ONECUT2: variants seen among roughly 807,000 people sequenced by gnomAD.
ONECUT2 encodes the protein one cut homeobox 2, also known as one cut domain family member 2.
In ONECUT2, 10 loss-of-function variants were observed where a neutral mutation model predicts 27.9. The ratio of observed to expected loss-of-function variants is 0.36; its 90% confidence interval spans 0.22 to 0.61. The LOEUF (loss-of-function observed/expected upper bound fraction) is 0.61. Among genes scored for constraint, ONECUT2 ranks in the 20% least tolerant of loss-of-function variants. The pLI, the probability that ONECUT2 is intolerant of heterozygous loss-of-function variation, is 0.73. For missense variants in ONECUT2, 686 were observed against 721.0 expected, an observed-to-expected ratio of 0.95 and a Z score of 0.56; for synonymous variants, 334 against 315.1, an observed-to-expected ratio of 1.06 and a Z score of -0.64.
At chr18:57,452,756 T>C (rs973946198) in intron 1 of ONECUT2, among the ~76,000 whole-genome samples, 1 of 152,222 alleles carries the variant, frequency 6.6e-6, no homozygotes, top group Non-Finnish European at 1.5e-5. Context: ...GGTTTCACTT[T>C]AAACTTTTAA....
chr18:57,483,556 T>C lies in ONECUT2; in HGVS notation c.*6833T>C, dbSNP rs1461605400. 5 of 152,616 alleles carry C rather than the reference T, an allele frequency of 3.3e-5. No individual in the cohort carries two copies. Among genetic ancestry groups the C allele is most frequent in the Non-Finnish European group, 7.3e-5 (5 of 68,042 alleles). The allele number at this position is 152,616 out of a possible 1,614,324, so 9.5% of individuals were successfully genotyped here. On this transcript the variant is annotated 3_prime_UTR_variant, in exon 2 of 2. Transcript: ENST00000491143. ...ATTATTTAATCATCCTTCCTTAGTT[T>C]GATTCTACTCCTTGTACTTATTTAT...
At position 57,481,291 on chromosome 18, in the gene ONECUT2, G is replaced by A. The variant is rs892950012; in HGVS notation, c.*4568G>A. 9.9e-5 allele frequency: 15 copies of A among 152,164 alleles called. No homozygotes were observed. The highest frequency in any genetic ancestry group is 1.6e-4 in the Non-Finnish European group (11 of 68,026). The allele number at this position is 152,164 out of a possible 1,614,324, so 9.4% of individuals were successfully genotyped here. Reference sequence around the variant, plus strand: ...CAGGCTAGTTGAACCAGGAAGCATGGCACTTCCTCTGGAGAAATCCAGAAA... The same window carrying A: ...CAGGCTAGTTGAACCAGGAAGCATGACACTTCCTCTGGAGAAATCCAGAAA... On this transcript the variant is annotated 3_prime_UTR_variant, in exon 2 of 2. Coordinates refer to ENST00000491143, the MANE Select transcript of ONECUT2 (RefSeq NM_004852.3).
chr18:57,449,756 C>T, intron 1 of ONECUT2, among the ~76,000 whole-genome samples: 1 of 152,236 alleles, frequency 6.6e-6, no homozygotes, highest in East Asian at 1.9e-4. Flanking sequence ...GCCTGGAATT[C>T]CTTATCTCAT....
intron 1 of ONECUT2, among the ~76,000 whole-genome samples, chr18:57,451,108 A>G (rs114257043): frequency 1.3e-4 from 20 of 152,366 alleles, no homozygotes; most frequent in African/African-American, 3.8e-4. Flanking sequence ...TTTATTTGCT[A>G]TACATCTTAC....
intron 1 of ONECUT2, among the ~76,000 whole-genome samples, chr18:57,473,662 T>A (rs1448426153): frequency 3.9e-5 from 6 of 152,074 alleles, no homozygotes; most frequent in African/African-American, 1.5e-4. Context: ...TGGGTGCTCA[T>A]GAGAAATGCA....
chr18:57,461,704 G>A (rs938193156), intron 1 of ONECUT2, among the ~76,000 whole-genome samples: 1 of 152,228 alleles, frequency 6.6e-6, no homozygotes, highest in Non-Finnish European at 1.5e-5. Flanking sequence ...GAACAAGGGT[G>A]CTGGGGTATT....
chr18:57,489,442 G>A lies in ONECUT2; in HGVS notation c.*12719G>A, dbSNP rs982853312. On this transcript the variant is annotated 3_prime_UTR_variant, in exon 2 of 2. Transcript: ENST00000491143. Reference sequence around the variant, plus strand: ...CCTATGCTGTTGATCTGTCTTGGGCGACAGGCTGAATCACAGCTATTGCCC... The same window carrying A: ...CCTATGCTGTTGATCTGTCTTGGGCAACAGGCTGAATCACAGCTATTGCCC... The A allele has an allele frequency of 2.6e-5, 4 of 152,106 alleles. No individual in the cohort carries two copies. The highest frequency in any genetic ancestry group is 2.9e-5 in the Non-Finnish European group (2 of 68,046). The allele number at this position is 152,106 out of a possible 1,614,324, so 9.4% of individuals were successfully genotyped here.
intron 1 of ONECUT2, among the ~76,000 whole-genome samples, chr18:57,444,150 T>C (rs778653683): frequency 3.0e-4 from 46 of 152,212 alleles, no homozygotes; most frequent in Non-Finnish European, 6.5e-4. Flanking sequence ...AAGAGCCAGT[T>C]ACCACTTAAG....
intron 1 of ONECUT2, among the ~76,000 whole-genome samples, chr18:57,443,310 G>A (rs896937342): frequency 6.6e-6 from 1 of 152,180 alleles, no homozygotes; most frequent in Non-Finnish European, 1.5e-5. Context: ...GGCACCCTAG[G>A]CCTTAAACTT....
intron 1 of ONECUT2, among the ~76,000 whole-genome samples, chr18:57,443,304 C>T (rs532624121): frequency 6.6e-6 from 1 of 152,296 alleles, no homozygotes; most frequent in South Asian, 2.1e-4. Context: ...GACAGAGGCA[C>T]CCTAGGCCTT....
At chr18:57,463,898 A>G (rs1316024343) in intron 1 of ONECUT2, among the ~76,000 whole-genome samples, 1 of 151,678 alleles carries the variant, frequency 6.6e-6, no homozygotes, top group Admixed American at 6.6e-5. Flanking sequence ...TTGATTTTCT[A>G]TGTTCATCTT....
intron 1 of ONECUT2, chr18:57,467,291 C>T (rs775457768): frequency 5.5e-5 from 23 of 415,344 alleles, no homozygotes; most frequent in Non-Finnish European, 9.7e-5. Flanking sequence ...AAAGCAGAGG[C>T]GGCGGTGTGG....
At chr18:57,474,019 G>C (rs2050368332) in intron 1 of ONECUT2, among the ~76,000 whole-genome samples, 1 of 152,168 alleles carries the variant, frequency 6.6e-6, no homozygotes, top group African/African-American at 2.4e-5. Flanking sequence ...AAAGCCAAAA[G>C]GCCCCAAAAG....
At position 57,476,699 on chromosome 18, in the gene ONECUT2, C is replaced by A. The variant is rs915628151; in HGVS notation, c.1491C>A (p.Thr497=). ...TGAGCACAGGGGGCTCCTCGTCCAC[C>A]TCCAGCACGTGTACCAAAGCATGAT... ...DDLSTGGSSS[T]SSTCTKA The change falls in exon 2 of 2, where the codon ACC becomes ACA. Residue 497 remains threonine (T), a synonymous_variant. Transcript: ENST00000491143. 2 of 1,613,992 alleles carry A rather than the reference C, an allele frequency of 1.2e-6. No individual in the cohort carries two copies. Among genetic ancestry groups the A allele is most frequent in the African/African-American group, 1.3e-5 (1 of 74,920 alleles).
In ONECUT2 at chr18:57,435,461, C is replaced by G. The variant is rs1056889745; in HGVS notation, c.-256C>G. Reference sequence around the variant, plus strand: ...GACATGGCGAGGCTGCGAGCCGGCCCGAGCGGCGGGGCCCGGTGATCCCTC... The same window carrying G: ...GACATGGCGAGGCTGCGAGCCGGCCGGAGCGGCGGGGCCCGGTGATCCCTC... On this transcript the variant is annotated 5_prime_UTR_variant, in exon 1 of 2. Transcript: ENST00000491143. Among the ~76,000 whole-genome samples the G allele has an allele frequency of 2.0e-5, 3 of 151,310 alleles. No individual in the cohort carries two copies. The highest frequency in any genetic ancestry group is 4.8e-5 in the African/African-American group (2 of 41,260).
chr18:57,472,168 G>A (rs995822649), intron 1 of ONECUT2, among the ~76,000 whole-genome samples: 10 of 152,166 alleles, frequency 6.6e-5, no homozygotes, highest in Non-Finnish European at 1.0e-4. Context: ...GGTTTCTATC[G>A]CATCCTTGGG....
At chr18:57,438,257 G>C (rs2050154610) in intron 1 of ONECUT2, among the ~76,000 whole-genome samples, 1 of 152,268 alleles carries the variant, frequency 6.6e-6, no homozygotes, top group South Asian at 2.1e-4. Flanking sequence ...CCGCTGGGAA[G>C]GACACACTAT....
chr18:57,436,984 A>G lies in ONECUT2; in HGVS notation c.1228+40A>G. The G allele has an allele frequency of 6.5e-7, 1 of 1,529,836 alleles. No individual in the cohort carries two copies. The allele number at this position is 1,529,836 out of a possible 1,614,324, so 94.8% of individuals were successfully genotyped here. A position where few individuals can be genotyped will look rare whatever the true frequency, so the allele number is the denominator to read the frequency against. ...AGCCAGGGGCCAGGCTGCTGGGAAG[A>G]GGGCTCCGGGTCCGGTGCTTGTGGC... On this transcript the variant is annotated intron_variant, in intron 1 of 1. Coordinates refer to ENST00000491143, the MANE Select transcript of ONECUT2 (RefSeq NM_004852.3). The surrounding 1 kb of genome is among the most constrained non-coding windows in gnomAD (Gnocchi z 5.9).
In ONECUT2 at chr18:57,487,111, C is replaced by T. The variant is rs764338112; in HGVS notation, c.*10388C>T. On this transcript the variant is annotated 3_prime_UTR_variant, in exon 2 of 2. Transcript: ENST00000491143. Reference sequence around the variant, plus strand: ...AAAATGTACACAGTTCAGCCTCAGACGGTGGTAATATTGGTTTTATTGGGA... The same window carrying T: ...AAAATGTACACAGTTCAGCCTCAGATGGTGGTAATATTGGTTTTATTGGGA... The T allele has an allele frequency of 1.4e-4, 21 of 152,572 alleles. No individual in the cohort carries two copies. The highest frequency in any genetic ancestry group is 2.5e-4 in the Non-Finnish European group (17 of 68,036). 9.5% of individuals were successfully genotyped at this position (152,572 alleles called of 1,614,324 possible).
Sources: gnomAD v4.1 joint callset for allele counts (sites outside exome capture counted in the v4.1 genomes callset) on GRCh38, gnomAD v4.1.1 for gene constraint, Gnocchi (gnomAD v3.1) non-coding constraint, MANE v1.5 for transcripts, NCBI Gene and HGNC (gene_info 2026-07-23, HGNC 2026-07-21) for gene names.